The following RALYL variants were observed in gnomAD, a reference collection of about 807,000 sequenced individuals.
The protein encoded by RALYL is RNA-binding Raly-like protein.
A neutral mutation model predicts 35.1 loss-of-function variants in RALYL; 29 were observed. That is an observed-to-expected ratio of 0.83 (90% CI 0.61 to 1.13). The LOEUF (loss-of-function observed/expected upper bound fraction) is 1.13. Among genes scored for constraint, RALYL ranks in the 50% most tolerant of loss-of-function variants. The pLI, the probability that RALYL is intolerant of heterozygous loss-of-function variation, is 0.00. For missense variants in RALYL, 359 were observed against 360.4 expected (o/e 1.00, Z 0.03); for synonymous variants, 120 against 127.6 (o/e 0.94, Z 0.40).
chr8:84,423,713 C>T (rs1437897160), intron 1 of RALYL, among the ~76,000 whole-genome samples: 3 of 151,558 alleles, frequency 2.0e-5, no homozygotes, highest in Non-Finnish European at 2.9e-5. Context: ...ATGTTTAGTG[C>T]TTCCTTCAGG....
intron 2 of RALYL, among the ~76,000 whole-genome samples, chr8:84,651,440 A>G (rs948095089): frequency 6.6e-6 from 1 of 151,934 alleles, no homozygotes; most frequent in Non-Finnish European, 1.5e-5. Context: ...ATTCAATCCT[A>G]ATTATGAGAC....
chr8:84,740,978 G>C (rs878987200), intron 2 of RALYL, among the ~76,000 whole-genome samples: 1 of 151,964 alleles, frequency 6.6e-6, no homozygotes, highest in Non-Finnish European at 1.5e-5. Context: ...GACCTGAAGA[G>C]TCTTGCAAGA....
chr8:84,873,358 C>A lies in RALYL; in HGVS notation c.646C>A (p.Arg216Ser), dbSNP rs772399055. ...AACTAAAATTGACTCCTTGCTAGGG[C>A]GCCTGGAGAAGATTGAGAAACAGCA... ...IKTKIDSLLGRLEKIEKQQKA... is the reference protein window; with the variant it reads ...IKTKIDSLLGSLEKIEKQQKA... The change falls in exon 7 of 9, where the codon CGC (arginine) becomes AGC (serine). Residue 216 changes from arginine (R) to serine (S), a missense_variant. Physicochemically the swap from Arg to Ser is moderately radical, Grantham distance 110. Transcript: ENST00000521268. The A allele has an allele frequency of 1.9e-6, 3 of 1,600,804 alleles. No homozygotes were observed. Among genetic ancestry groups the A allele is most frequent in the Admixed American group, 1.7e-5 (1 of 58,216 alleles).
At chr8:84,555,020 C>T (rs549885353) in intron 2 of RALYL, among the ~76,000 whole-genome samples, 2 of 152,296 alleles carry the variant, frequency 1.3e-5, no homozygotes, top group Admixed American at 6.5e-5. Context: ...GTGGCTCACG[C>T]CTGTAATCCC....
intron 1 of RALYL, among the ~76,000 whole-genome samples, chr8:84,524,929 C>A (rs140606013): frequency 0.016 from 2,367 of 151,662 alleles, 63 homozygotes; most frequent in African/African-American, 0.054. Context: ...TTGAATGAAA[C>A]ATAAATAGCT....
At chr8:84,911,200 C>T (rs1243824005) in intron 8 of RALYL, among the ~76,000 whole-genome samples, 3 of 152,062 alleles carry the variant, frequency 2.0e-5, no homozygotes, top group African/African-American at 7.2e-5. Flanking sequence ...GCTTAATTTC[C>T]TTCTCTCCCC....
At position 84,404,413 on chromosome 8, in the gene RALYL, G is replaced by T. The variant is rs191762586; in HGVS notation, c.-23-124886G>T. 1.6e-4 allele frequency among the ~76,000 whole-genome samples: 24 copies of T among 152,224 alleles called. No individual in the cohort carries two copies. In the East Asian group the frequency reaches 4.4e-3, roughly 28 times the overall value. On this transcript the variant is annotated intron_variant, in intron 1 of 8. Transcript: ENST00000521268. ...TTGAATTTTGTTGAAGGCCTTTTCT[G>T]CATCTATTGAGATAATCATGTGGTT...
rs559438470 is a variant in RALYL at position 84,514,493 on chromosome 8, C to T, written c.-23-14806C>T. Among the ~76,000 whole-genome samples the T allele has an allele frequency of 9.2e-5, 14 of 152,278 alleles. No homozygotes were observed. In the South Asian group the frequency reaches 1.7e-3, roughly 18 times the overall value. On this transcript the variant is annotated intron_variant, in intron 1 of 8. Coordinates refer to ENST00000521268, the MANE Select transcript of RALYL (RefSeq NM_173848.7). ...AAGTTCTGTGTCTGTTGAGGGCCCA[C>T]TCTTTGCTTCCAAGATGGCACCTTG...
intron 3 of RALYL, among the ~76,000 whole-genome samples, chr8:84,794,627 G>A (rs1821493205): frequency 6.6e-6 from 1 of 152,092 alleles, no homozygotes; most frequent in South Asian, 2.1e-4. Flanking sequence ...CCAGTGTGAG[G>A]AGCAGTAAAG....
intron 1 of RALYL, among the ~76,000 whole-genome samples, chr8:84,255,680 G>T (rs549481341): frequency 6.6e-6 from 1 of 151,888 alleles, no homozygotes; most frequent in Non-Finnish European, 1.5e-5. Flanking sequence ...AAACATTGCC[G>T]CAGAATAAAC....
intron 4 of RALYL, among the ~76,000 whole-genome samples, chr8:84,825,631 G>T (rs1410603950): frequency 6.6e-6 from 1 of 152,258 alleles, no homozygotes; most frequent in South Asian, 2.1e-4. Flanking sequence ...AATTTGGAAG[G>T]CCGAGGCAGG....
At chr8:84,332,171 TTG>T (rs1401265555) in intron 1 of RALYL, among the ~76,000 whole-genome samples, 1 of 152,124 alleles carries the variant, frequency 6.6e-6, no homozygotes, top group Non-Finnish European at 1.5e-5. Context: ...AGATCATGAC[TTG>T]TGTGTGTAGA....
At chr8:84,560,098 G>A (rs1260615487) in intron 2 of RALYL, among the ~76,000 whole-genome samples, 1 of 151,752 alleles carries the variant, frequency 6.6e-6, no homozygotes, top group African/African-American at 2.4e-5. Context: ...ATCAGACCTG[G>A]GAAATGATAA....
chr8:84,793,142 T>C (rs1175385818), intron 3 of RALYL, among the ~76,000 whole-genome samples: 1 of 152,176 alleles, frequency 6.6e-6, no homozygotes, highest in Non-Finnish European at 1.5e-5. Flanking sequence ...GGACTGAATG[T>C]GCCTATTTGT....
intron 1 of RALYL, among the ~76,000 whole-genome samples, chr8:84,338,547 A>G (rs1848235561): frequency 1.3e-5 from 2 of 151,926 alleles, no homozygotes; most frequent in African/African-American, 2.4e-5. Flanking sequence ...AGGGAACATT[A>G]TATATTAAGA....
At chr8:84,495,895 T>G (rs1290067397) in intron 1 of RALYL, among the ~76,000 whole-genome samples, 1 of 152,152 alleles carries the variant, frequency 6.6e-6, no homozygotes, top group East Asian at 1.9e-4. Context: ...AATGGAAAGA[T>G]AGTAGACTTT....
At chr8:84,591,685 C>T (rs1291636416) in intron 2 of RALYL, among the ~76,000 whole-genome samples, 3 of 152,134 alleles carry the variant, frequency 2.0e-5, no homozygotes, top group Non-Finnish European at 4.4e-5. Context: ...TAATCGTCTC[C>T]CAATATCACT....
At chr8:84,440,781 T>G (rs959000949) in intron 1 of RALYL, among the ~76,000 whole-genome samples, 1 of 152,042 alleles carries the variant, frequency 6.6e-6, no homozygotes, top group African/African-American at 2.4e-5. Context: ...TTGAGTTGTT[T>G]CCAGGTTTGG....
intron 2 of RALYL, among the ~76,000 whole-genome samples, chr8:84,717,221 T>G (rs1843087964): frequency 6.6e-6 from 1 of 152,094 alleles, no homozygotes. Context: ...TTACTATGAT[T>G]CTCTTTTTGG....
Sources: gnomAD v4.1 joint callset for allele counts (sites outside exome capture counted in the v4.1 genomes callset) on GRCh38, gnomAD v4.1.1 for gene constraint, MANE v1.5 for transcripts, NCBI Gene and HGNC (gene_info 2026-07-23, HGNC 2026-07-21) for gene names.